Variants in GUCY1A2 observed in about 807,000 individuals in gnomAD.
GUCY1A2 encodes guanylate cyclase soluble subunit alpha-2.
GUCY1A2 carries 27 observed loss-of-function variants against 63.5 expected under a neutral mutation model. The ratio of observed to expected loss-of-function variants is 0.43; its 90% CI spans 0.31 to 0.59. The LOEUF (loss-of-function observed/expected upper bound fraction) is 0.59, where lower values mean the gene tolerates loss of function less well. Ranked by LOEUF, GUCY1A2 falls within the 20% of genes least tolerant of loss-of-function variation. The pLI, the probability that GUCY1A2 is intolerant of heterozygous loss-of-function variation, is 0.11. For missense variants in GUCY1A2, 768 were observed against 913.3 expected, an observed-to-expected ratio of 0.84 and a Z score of 2.05; for synonymous variants, 364 against 343.5, an observed-to-expected ratio of 1.06 and a Z score of -0.66.
chr11:106,728,047 C>G (rs780649565), intron 6 of GUCY1A2, among the ~76,000 whole-genome samples: 1 of 152,204 alleles, frequency 6.6e-6, no homozygotes, highest in Non-Finnish European at 1.5e-5. Context: ...CCTGGCTCCT[C>G]GTAAATGTCC....
chr11:106,874,809 A>T lies in GUCY1A2; in HGVS notation c.1207-64331T>A, dbSNP rs1244274615. Among the ~76,000 whole-genome samples the T allele has an allele frequency of 5.9e-5, 9 of 151,684 alleles. No individual in the cohort carries two copies. In the South Asian group the frequency reaches 1.9e-3, roughly 32 times the overall value. ...AAAATATTGTAATATTTAATCTTTT[A>T]AAAAAAAACTTGGTTAAAGTTTCTC... is the stretch of plus-strand genomic sequence containing the variant. On this transcript the variant is annotated intron_variant, in intron 4 of 7. Transcript: ENST00000526355.
At chr11:106,991,136 C>T (rs1298638369) in intron 1 of GUCY1A2, among the ~76,000 whole-genome samples, 2 of 151,416 alleles carry the variant, frequency 1.3e-5, no homozygotes, top group Admixed American at 1.3e-4. Context: ...ATTACAGGTG[C>T]GTGCCACCAT....
At chr11:106,728,380 A>C (rs927698715) in intron 6 of GUCY1A2, among the ~76,000 whole-genome samples, 8 of 152,180 alleles carry the variant, frequency 5.3e-5, no homozygotes, top group African/African-American at 1.7e-4. Context: ...ATTTTAGTAC[A>C]TATATATCAT....
intron 5 of GUCY1A2, among the ~76,000 whole-genome samples, chr11:106,796,346 A>G (rs939397136): frequency 6.6e-6 from 1 of 152,152 alleles, no homozygotes; most frequent in African/African-American, 2.4e-5. Flanking sequence ...TGATCCTGTC[A>G]TTATGAATTT....
rs920926804 is a variant in GUCY1A2, at chr11:106,683,168, A to G, written c.*4381T>C. Reference sequence around the variant, plus strand: ...AAACTTCAATAATTCAGTCTCATGCATCATGATTTTTGGGTTATATCTATT... The same window carrying G: ...AAACTTCAATAATTCAGTCTCATGCGTCATGATTTTTGGGTTATATCTATT... On this transcript the variant is annotated 3_prime_UTR_variant, in exon 8 of 8. Transcript: ENST00000526355. The G allele has an allele frequency of 1.4e-5, 3 of 214,666 alleles. No individual in the cohort carries two copies. Among genetic ancestry groups the G allele is most frequent in the African/African-American group, 2.3e-5 (1 of 44,292 alleles). The allele number at this position is 214,666 out of a possible 1,614,324, so 13.3% of individuals were successfully genotyped here. A position where few individuals can be genotyped will look rare whatever the true frequency, so the allele number is the denominator to read the frequency against.
chr11:106,824,050 G>A lies in GUCY1A2; in HGVS notation c.1207-13572C>T, dbSNP rs61902967. The A allele has an allele frequency of 1.4e-3, 1,949 of 1,438,122 alleles. 5 individuals are homozygous for A. The highest frequency in any genetic ancestry group is 1.6e-3 in the Non-Finnish European group (1,729 of 1,060,818). 89.1% of individuals were successfully genotyped at this position (1,438,122 alleles called of 1,614,324 possible). On this transcript the variant is annotated intron_variant, in intron 4 of 7. Coordinates refer to ENST00000526355, the MANE Select transcript of GUCY1A2 (RefSeq NM_000855.3). ...AGCTTTCTTATTGTTGGCATTTTCTGCAGAGAAGACTACAGTTTTACAGCT... is the reference window on the plus strand; with the variant it reads ...AGCTTTCTTATTGTTGGCATTTTCTACAGAGAAGACTACAGTTTTACAGCT...
At chr11:106,749,125 C>G (rs1476012718) in intron 6 of GUCY1A2, among the ~76,000 whole-genome samples, 1 of 151,944 alleles carries the variant, frequency 6.6e-6, no homozygotes, top group Non-Finnish European at 1.5e-5. Context: ...TAGTCACATC[C>G]GGTACAGGTT....
At chr11:106,741,769 T>G (rs1197076907) in intron 6 of GUCY1A2, among the ~76,000 whole-genome samples, 1 of 152,200 alleles carries the variant, frequency 6.6e-6, no homozygotes, top group African/African-American at 2.4e-5. Flanking sequence ...ACATGTAACC[T>G]TTCCTCATTT....
At chr11:106,710,655 C>T (rs1200424181) in intron 6 of GUCY1A2, among the ~76,000 whole-genome samples, 1 of 151,648 alleles carries the variant, frequency 6.6e-6, no homozygotes, top group Non-Finnish European at 1.5e-5. Flanking sequence ...TCTGTCTGGT[C>T]CATGCCTTGA....
intron 5 of GUCY1A2, among the ~76,000 whole-genome samples, chr11:106,793,900 G>A (rs1430388372): frequency 6.6e-6 from 1 of 152,092 alleles, no homozygotes; most frequent in Non-Finnish European, 1.5e-5. Context: ...CACAGTTTTT[G>A]AGGATGTAAA....
intron 4 of GUCY1A2, among the ~76,000 whole-genome samples, chr11:106,929,127 C>T (rs1185773078): frequency 6.6e-6 from 1 of 152,150 alleles, no homozygotes; most frequent in Non-Finnish European, 1.5e-5. Flanking sequence ...TTGTTAATAA[C>T]TCATAGCCTA....
chr11:106,945,395 A>C (rs550911681), intron 3 of GUCY1A2, among the ~76,000 whole-genome samples: 2 of 28,946 alleles, frequency 6.9e-5, no homozygotes, highest in South Asian at 1.6e-3. Context: ...CAAAAACAAA[A>C]AAAACAAAAC....
chr11:106,765,288 A>G (rs1468867501), intron 6 of GUCY1A2, among the ~76,000 whole-genome samples: 1 of 152,098 alleles, frequency 6.6e-6, no homozygotes, highest in Non-Finnish European at 1.5e-5. Flanking sequence ...AATGTAAATG[A>G]CATCCTGAAT....
chr11:106,758,627 ATCTT>A (rs1325156586), intron 6 of GUCY1A2, among the ~76,000 whole-genome samples: 1 of 152,244 alleles, frequency 6.6e-6, no homozygotes, highest in African/African-American at 2.4e-5. Flanking sequence ...CTATTCGGCC[ATCTT>A]GAAAGCTCAC....
intron 6 of GUCY1A2, among the ~76,000 whole-genome samples, chr11:106,751,827 T>A (rs1863887013): frequency 6.6e-6 from 1 of 152,138 alleles, no homozygotes; most frequent in Non-Finnish European, 1.5e-5. Flanking sequence ...AACCAATGTA[T>A]GAAAAATGAA....
At chr11:106,844,510 T>G (rs555920921) in intron 4 of GUCY1A2, among the ~76,000 whole-genome samples, 8 of 151,702 alleles carry the variant, frequency 5.3e-5, no homozygotes, top group Non-Finnish European at 1.2e-4. Context: ...CTGACAAAGT[T>G]GGGTTTATTA....
chr11:106,964,774 T>A (rs1450831829), intron 3 of GUCY1A2, among the ~76,000 whole-genome samples: 3 of 152,098 alleles, frequency 2.0e-5, no homozygotes, highest in Non-Finnish European at 4.4e-5. Context: ...GGTCAGGAGA[T>A]CGAGACCATC....
intron 3 of GUCY1A2, among the ~76,000 whole-genome samples, chr11:106,966,305 A>G (rs977000502): frequency 2.0e-5 from 3 of 152,038 alleles, no homozygotes; most frequent in Admixed American, 6.6e-5. Context: ...TGGGGTTATC[A>G]CCATGTTGGC....
intron 7 of GUCY1A2, among the ~76,000 whole-genome samples, chr11:106,693,601 T>C (rs905068709): frequency 3.9e-5 from 6 of 152,166 alleles, no homozygotes; most frequent in Admixed American, 3.3e-4. Flanking sequence ...TTTCTTTTTA[T>C]GCATTTTGGC....
Sources: allele counts gnomAD v4.1 joint callset (sites outside exome capture counted in the v4.1 genomes callset), GRCh38; gene constraint gnomAD v4.1.1; transcripts MANE v1.5; gene names NCBI Gene and HGNC (gene_info 2026-07-23, HGNC 2026-07-21).